Variants in C2CD5 observed in about 807,000 individuals in gnomAD.
The protein encoded by C2CD5 is C2 domain-containing protein 5.
A neutral mutation model predicts 130.3 loss-of-function variants in C2CD5; 109 were observed. That is an observed-to-expected ratio of 0.84 (90% CI 0.72 to 0.98). The LOEUF (loss-of-function observed/expected upper bound fraction) is 0.98. Among genes scored for constraint, C2CD5 ranks in the 50% least tolerant of loss-of-function variants. C2CD5 has a pLI of 0.00. For missense variants in C2CD5, 996 were observed against 1,261.8 expected, an observed-to-expected ratio of 0.79 and a Z score of 3.19; for synonymous variants, 454 against 429.2, an observed-to-expected ratio of 1.06 and a Z score of -0.71.
In C2CD5 at chr12:22,482,642, T is replaced by C; in HGVS notation, c.1652A>G (p.Asn551Ser). ...ATTCATTCCTTTGAGTTTTAGTTTA[T>C]TCATTAGCTGAGTATGCACTTCATA... ...MEYEVHTQLM[N>S]KLKLKGMNAL... is the part of the protein sequence containing the mutation. The change falls in exon 14 of 27, where the codon AAT (asparagine) becomes AGT (serine). Residue 551 changes from asparagine (N) to serine (S), a missense_variant. Coordinates refer to ENST00000446597, the MANE Select transcript of C2CD5 (RefSeq NM_001286176.2). 1.9e-6 allele frequency: 3 copies of C among 1,613,250 alleles called. No individual in the cohort carries two copies. The highest frequency in any genetic ancestry group is 1.1e-5 in the South Asian group (1 of 91,050).
chr12:22,482,505 T>C, intron 14 of C2CD5, 52 bp downstream of exon 14: 1 of 1,432,502 alleles, frequency 7.0e-7, no homozygotes, highest in Non-Finnish European at 9.7e-7. Context: ...TAACATAGAA[T>C]CTACTATAAT....
chr12:22,488,427 GTTTT>G (rs1199178369), intron 12 of C2CD5, among the ~76,000 whole-genome samples: 4 of 150,258 alleles, frequency 2.7e-5, no homozygotes, highest in Non-Finnish European at 4.4e-5. Flanking sequence ...CATTTTCCTT[GTTTT>G]TTTCTTTTTT....
chr12:22,532,775 T>C (rs1951426317), intron 3 of C2CD5, among the ~76,000 whole-genome samples: 1 of 152,202 alleles, frequency 6.6e-6, no homozygotes, highest in Non-Finnish European at 1.5e-5. Flanking sequence ...TCTCTTTCAC[T>C]GAAGAATGAC....
At chr12:22,535,482 G>A in intron 2 of C2CD5, 138 bp from the exon 3 acceptor site, 1 of 599,750 alleles carries the variant, frequency 1.7e-6, no homozygotes, top group South Asian at 2.1e-5. Flanking sequence ...AAGGGAAGAA[G>A]GTACAGATGG....
At chr12:22,511,394 C>T (rs1454457810) in intron 9 of C2CD5, among the ~76,000 whole-genome samples, 1 of 152,200 alleles carries the variant, frequency 6.6e-6, no homozygotes, top group Non-Finnish European at 1.5e-5. Flanking sequence ...TAATGGCAGT[C>T]GCAAGTGAAT....
chr12:22,506,882 T>A (rs911172426), intron 9 of C2CD5, 63 bp from the exon 10 acceptor site: 1 of 1,001,970 alleles, frequency 1.0e-6, no homozygotes, highest in Admixed American at 1.7e-5. Flanking sequence ...AATTTGCTTA[T>A]TAAAAAGCTT....
chr12:22,476,774 A>G (rs1317695986), intron 15 of C2CD5, among the ~76,000 whole-genome samples: 1 of 152,138 alleles, frequency 6.6e-6, no homozygotes, highest in Admixed American at 6.6e-5. Context: ...CAGAGGTGAG[A>G]AACACTATTA....
At chr12:22,498,228 G>T (rs1947304222) in intron 10 of C2CD5, among the ~76,000 whole-genome samples, 1 of 151,994 alleles carries the variant, frequency 6.6e-6, no homozygotes, top group South Asian at 2.1e-4. Context: ...ACACACATAT[G>T]CACACACCAA....
chr12:22,492,599 TAAGA>T (rs1351326774), intron 11 of C2CD5, among the ~76,000 whole-genome samples: 1 of 152,052 alleles, frequency 6.6e-6, no homozygotes, highest in Non-Finnish European at 1.5e-5. Flanking sequence ...GCGAAGTAAC[TAAGA>T]AAGGCAGACG....
rs1289550925 is a variant in C2CD5, at chr12:22,518,942, G to C, written c.801-805C>G. 3.1e-5 allele frequency: 16 copies of C among 520,788 alleles called. No homozygotes were observed. In the South Asian group the frequency reaches 4.6e-4, roughly 15 times the overall value. The allele number at this position is 520,788 out of a possible 1,614,324, so 32.3% of individuals were successfully genotyped here. ...GAATACCTTCACTTCCATATAGTTA[G>C]AGACTCTGTGGCAGCTAAATACAGA... On this transcript the variant is annotated intron_variant, in intron 7 of 26. Coordinates refer to ENST00000446597, the MANE Select transcript of C2CD5 (RefSeq NM_001286176.2).
chr12:22,454,815 CT>C (rs1271122147), intron 25 of C2CD5, among the ~76,000 whole-genome samples: 1 of 152,138 alleles, frequency 6.6e-6, no homozygotes, highest in Non-Finnish European at 1.5e-5. Flanking sequence ...AGGTCAGGGA[CT>C]GTATCTGTTT....
At chr12:22,520,791 G>A (rs7132733) in intron 7 of C2CD5, among the ~76,000 whole-genome samples, 24,231 of 151,756 alleles carry the variant, frequency 0.16, 3,815 homozygotes, top group African/African-American at 0.41. Context: ...AGTTAAGCTG[G>A]AAAACACCAA....
intron 10 of C2CD5, among the ~76,000 whole-genome samples, chr12:22,496,222 C>G (rs1314888558): frequency 6.6e-6 from 1 of 152,018 alleles, no homozygotes; most frequent in Non-Finnish European, 1.5e-5. Flanking sequence ...TTCAGCCTAT[C>G]CTATTACCAA....
At position 22,501,889 on chromosome 12, in the gene C2CD5, G is replaced by A. The variant is rs184475434; in HGVS notation, c.1147+4822C>T. On this transcript the variant is annotated intron_variant, in intron 10 of 26. Transcript: ENST00000446597. The stretch of plus-strand genomic sequence containing the variant: ...TATCTAAAATTCTGAGCCCCGTGGC[G>A]TCTTTGCTTTTCTGTAAGATATACT... Among the ~76,000 whole-genome samples, 649 of 152,152 alleles carry A rather than the reference G, an allele frequency of 4.3e-3. 2 individuals are homozygous for A. The highest frequency in any genetic ancestry group is 0.01 in the Middle Eastern group (3 of 294).
intron 15 of C2CD5, among the ~76,000 whole-genome samples, chr12:22,476,942 T>C (rs1406897047): frequency 6.6e-6 from 1 of 152,090 alleles, no homozygotes; most frequent in East Asian, 1.9e-4. Context: ...TAATGTACTA[T>C]AAAAATAAGC....
chr12:22,523,329 T>C lies in C2CD5; in HGVS notation c.800+97A>G. 7 of 881,520 alleles carry C rather than the reference T, an allele frequency of 7.9e-6. No homozygotes were observed. The South Asian group carries it at 9.0e-5, about 11-fold the overall frequency. 54.6% of individuals were successfully genotyped at this position (881,520 alleles called of 1,614,324 possible). On this transcript the variant is annotated intron_variant, in intron 7 of 26. Transcript: ENST00000446597. The stretch of plus-strand genomic sequence containing the variant: ...CCAATAAAAATCATCACAGAGAAAA[T>C]GTTGAACAACCCTACTAAAATGTTT...
At chr12:22,519,229 C>A (rs1422710441) in intron 7 of C2CD5, 1 of 1,535,418 alleles carries the variant, frequency 6.5e-7, no homozygotes, top group Non-Finnish European at 8.7e-7. Flanking sequence ...GGAGGATGAA[C>A]CAGCGGAGAC....
chr12:22,454,769 A>C (rs1206623198), intron 25 of C2CD5, among the ~76,000 whole-genome samples: 1 of 152,130 alleles, frequency 6.6e-6, no homozygotes, highest in Non-Finnish European at 1.5e-5. Flanking sequence ...GTTAATGTCC[A>C]CCGTGCTCCA....
chr12:22,474,989 G>T (rs1943633141), intron 15 of C2CD5, 98 bp from the exon 16 acceptor site: 2 of 741,906 alleles, frequency 2.7e-6, no homozygotes, highest in Admixed American at 3.5e-5. Context: ...TGGAGAAAAA[G>T]CCTGTAAAAT....
Sources: gnomAD v4.1 joint callset for allele counts (sites outside exome capture counted in the v4.1 genomes callset) on GRCh38, gnomAD v4.1.1 for gene constraint, MANE v1.5 for transcripts, NCBI Gene and HGNC (gene_info 2026-07-23, HGNC 2026-07-21) for gene names.